The following CHN2 variants were observed in gnomAD, a reference collection of about 807,000 sequenced individuals.
CHN2 encodes the protein beta-chimaerin.
CHN2 carries 35 observed loss-of-function variants against 56.3 expected under a neutral mutation model. That is an observed-to-expected ratio of 0.62 (90% CI 0.47 to 0.82). The LOEUF is 0.82. Among genes scored for constraint, CHN2 ranks in the 40% least tolerant of loss-of-function variants. The pLI is 0.00. For missense variants in CHN2, 491 were observed against 580.5 expected (o/e 0.85, Z 1.58); for synonymous variants, 210 against 212.8 (o/e 0.99, Z 0.12).
chr7:29,330,001 T>C (rs1796102993), intron 1 of CHN2, among the ~76,000 whole-genome samples: 1 of 152,198 alleles, frequency 6.6e-6, no homozygotes, highest in Non-Finnish European at 1.5e-5. Flanking sequence ...CTTTTTATGC[T>C]CTAACCTGGC....
chr7:29,169,744 C>T (rs1256490899), intron 2 of CHN2, among the ~76,000 whole-genome samples: 5 of 151,980 alleles, frequency 3.3e-5, no homozygotes, highest in South Asian at 2.1e-4. Context: ...CCCTTCTGAC[C>T]ACTGTTTGCT....
chr7:29,186,443 G>A (rs916807390), intron 2 of CHN2: 4 of 152,088 alleles, frequency 2.6e-5, no homozygotes, highest in Admixed American at 1.3e-4. Context: ...AAGCAGCCAC[G>A]TGCCTGTAGT....
At chr7:29,376,590 C>G (rs984153018) in intron 3 of CHN2, 1 of 152,256 alleles carries the variant, frequency 6.6e-6, no homozygotes, top group Non-Finnish European at 1.5e-5. Flanking sequence ...AACTACTGTT[C>G]TAAGGACTGT....
chr7:29,146,863 C>T, exon 2 of CHN2: 2 of 1,551,162 alleles, frequency 1.3e-6, no homozygotes, highest in Non-Finnish European at 1.7e-6. Flanking sequence ...TACTTGCAAG[C>T]CCAGGATTTA....
intron 6 of CHN2, among the ~76,000 whole-genome samples, chr7:29,447,461 T>G (rs1256528848): frequency 6.6e-6 from 1 of 152,182 alleles, no homozygotes; most frequent in African/African-American, 2.4e-5. Context: ...TCAGACAGTC[T>G]GATATATGTC....
At position 29,414,665 on chromosome 7, in the gene CHN2, G is replaced by A. The variant is rs551694956; in HGVS notation, c.576+13837G>A. On this transcript the variant is annotated intron_variant, in intron 6 of 12. Transcript: ENST00000222792. ...TTTCTGACCCTTTTCTTGTCACCCT[G>A]TCCCCCAACACACGCATGCACACGT... Among the ~76,000 whole-genome samples the A allele has an allele frequency of 1.3e-4, 20 of 152,140 alleles. 1 individual carries two copies. Among genetic ancestry groups the A allele is most frequent in the Middle Eastern group, 3.4e-3 (1 of 294 alleles).
intron 2 of CHN2, among the ~76,000 whole-genome samples, chr7:29,178,264 C>T (rs1312625919): frequency 1.3e-5 from 2 of 152,098 alleles, no homozygotes; most frequent in Non-Finnish European, 2.9e-5. Context: ...ACATGTTATC[C>T]CCTTCCTAAA....
In CHN2 at chr7:29,504,658, A is replaced by G; in HGVS notation, c.914-86A>G. The G allele has an allele frequency of 3.6e-6, 3 of 829,078 alleles. No individual in the cohort carries two copies. In the South Asian group the frequency reaches 4.7e-5, roughly 13 times the overall value. 51.4% of individuals were successfully genotyped at this position (829,078 alleles called of 1,614,324 possible). A position where few individuals can be genotyped will look rare whatever the true frequency, so the allele number is the denominator to read the frequency against. On this transcript the variant is annotated intron_variant, in intron 9 of 12. Transcript: ENST00000222792. Reference sequence around the variant, plus strand: ...CTATGTTTGCTCATTTTCTGATAGCATGTAGTATAGACGTGAAATTAGTCT... The same window carrying G: ...CTATGTTTGCTCATTTTCTGATAGCGTGTAGTATAGACGTGAAATTAGTCT...
At chr7:29,492,437 C>A (rs1226473801) in intron 7 of CHN2, among the ~76,000 whole-genome samples, 5 of 152,002 alleles carry the variant, frequency 3.3e-5, no homozygotes, top group African/African-American at 7.2e-5. Context: ...GGAAAGATCT[C>A]AACTGTTCTT....
chr7:29,428,354 G>C (rs559161822), intron 6 of CHN2, among the ~76,000 whole-genome samples: 8 of 152,206 alleles, frequency 5.3e-5, no homozygotes, highest in Non-Finnish European at 1.2e-4. Context: ...TTTCCCACTT[G>C]CATCATGGTC....
At chr7:29,327,563 C>T (rs1431305877) in intron 1 of CHN2, among the ~76,000 whole-genome samples, 5 of 152,048 alleles carry the variant, frequency 3.3e-5, no homozygotes, top group Admixed American at 6.5e-5. Context: ...TCTAAGTATC[C>T]GATTCCTTCT....
intron 2 of CHN2, among the ~76,000 whole-genome samples, chr7:29,179,618 A>G (rs557757523): frequency 1.3e-5 from 2 of 152,338 alleles, no homozygotes; most frequent in South Asian, 4.1e-4. Flanking sequence ...CCTTTGCCAA[A>G]TAGAATTACT....
In CHN2 at chr7:29,454,391, G is replaced by T. The variant is rs188075042; in HGVS notation, c.577-25888G>T. Among the ~76,000 whole-genome samples, 787 of 152,302 alleles carry T rather than the reference G, an allele frequency of 5.2e-3. 13 individuals are homozygous for T. Among genetic ancestry groups the T allele is most frequent in the African/African-American group, 0.018 (746 of 41,568 alleles). On this transcript the variant is annotated intron_variant, in intron 6 of 12. Transcript: ENST00000222792. ...TATGGCTACAATACCAGGAGGGAAG[G>T]TCTGGAAATAAAACTGGAGATGGAG...
intron 1 of CHN2, among the ~76,000 whole-genome samples, chr7:29,206,173 T>C (rs1016691409): frequency 1.3e-5 from 2 of 152,238 alleles, no homozygotes; most frequent in Non-Finnish European, 2.9e-5. Context: ...GTTACTGTCA[T>C]AGGAGTGCAA....
intron 1 of CHN2, among the ~76,000 whole-genome samples, chr7:29,302,289 TC>T (rs890201473): frequency 4.2e-4 from 64 of 151,666 alleles, no homozygotes; most frequent in Non-Finnish European, 7.7e-4. Flanking sequence ...CTCTTCTTCT[TC>T]CTCCTCTTCT....
chr7:29,281,823 C>T (rs1791742134), intron 1 of CHN2, among the ~76,000 whole-genome samples: 1 of 152,172 alleles, frequency 6.6e-6, no homozygotes, highest in Admixed American at 6.5e-5. Flanking sequence ...CGGGAGATGC[C>T]TCCTTGTCCT....
chr7:29,272,206 C>A (rs998473890), intron 1 of CHN2, among the ~76,000 whole-genome samples: 1 of 152,102 alleles, frequency 6.6e-6, no homozygotes, highest in Non-Finnish European at 1.5e-5. Context: ...GTCTCTGTAG[C>A]CCAGGCTCAG....
At chr7:29,329,376 C>CAA (rs10667833) in intron 1 of CHN2, among the ~76,000 whole-genome samples, 9,786 of 37,226 alleles carry the variant, frequency 0.26, 3,530 homozygotes, top group East Asian at 0.5. Flanking sequence ...TCAGATAAGG[C>CAA]AAAAAAAAAA....
At chr7:29,178,402 T>C (rs1334654345) in intron 2 of CHN2, among the ~76,000 whole-genome samples, 1 of 152,162 alleles carries the variant, frequency 6.6e-6, no homozygotes, top group Non-Finnish European at 1.5e-5. Context: ...TTTCATTCCT[T>C]TGACGCCAGC....
Sources: allele counts gnomAD v4.1 joint callset (sites outside exome capture counted in the v4.1 genomes callset), GRCh38; gene constraint gnomAD v4.1.1; transcripts MANE v1.5; gene names NCBI Gene and HGNC (gene_info 2026-07-23, HGNC 2026-07-21).